TBCK: variants seen among roughly 807,000 people sequenced by gnomAD.
TBCK encodes TBC domain-containing protein kinase-like protein.
TBCK carries 99 observed loss-of-function variants against 113.4 expected under a neutral mutation model. The ratio of observed to expected loss-of-function variants is 0.87; its 90% CI spans 0.74 to 1.03. The LOEUF (loss-of-function observed/expected upper bound fraction) is 1.03, where lower values mean the gene tolerates loss of function less well. Ranked by LOEUF, TBCK falls within the 50% of genes least tolerant of loss-of-function variation. The pLI is 0.00. For synonymous variants in TBCK, 369 were observed against 370.8 expected (o/e 1.00, Z 0.05); for missense variants, 1,045 against 1,061.3 (o/e 0.98, Z 0.21).
chr4:106,212,930 T>A, intron 19 of TBCK, 95 bp from the exon 20 acceptor site: 1 of 788,696 alleles, frequency 1.3e-6, no homozygotes, highest in Non-Finnish European at 2.1e-6. Context: ...TGAATGAGAT[T>A]TAATTTCTCC....
chr4:106,047,370 C>T (rs758735488), intron 25 of TBCK, among the ~76,000 whole-genome samples: 2 of 152,198 alleles, frequency 1.3e-5, no homozygotes, highest in African/African-American at 4.8e-5. Context: ...CATCCCTCAA[C>T]TGCGTATCAA....
intron 3 of TBCK, among the ~76,000 whole-genome samples, chr4:106,273,873 C>T (rs902991382): frequency 6.6e-6 from 1 of 152,206 alleles, no homozygotes; most frequent in African/African-American, 2.4e-5. Context: ...TTTTAAGCTA[C>T]CTAATTTGTT....
intron 25 of TBCK, among the ~76,000 whole-genome samples, chr4:106,079,073 T>C (rs537571787): frequency 1.2e-4 from 19 of 152,102 alleles, no homozygotes; most frequent in African/African-American, 3.6e-4. Context: ...GTCTTTAATA[T>C]ATGTGAAAGT....
chr4:106,182,588 A>G (rs1214764194), intron 22 of TBCK: 1 of 152,070 alleles, frequency 6.6e-6, no homozygotes, highest in Non-Finnish European at 1.5e-5. Flanking sequence ...AAGGCTGTTG[A>G]ATTTTGTTGA....
intron 2 of TBCK, among the ~76,000 whole-genome samples, chr4:106,304,041 C>T (rs1179708497): frequency 6.6e-6 from 1 of 152,102 alleles, no homozygotes; most frequent in East Asian, 1.9e-4. Context: ...TTCATAACTC[C>T]TCCCACAGCT....
At chr4:106,147,909 CT>C (rs1190944760) in intron 23 of TBCK, among the ~76,000 whole-genome samples, 1 of 152,186 alleles carries the variant, frequency 6.6e-6, no homozygotes, top group Non-Finnish European at 1.5e-5. Flanking sequence ...TTGCTGAATT[CT>C]TTTTCTCAGC....
At chr4:106,092,841 A>G (rs991108005) in intron 25 of TBCK, among the ~76,000 whole-genome samples, 1 of 152,212 alleles carries the variant, frequency 6.6e-6, no homozygotes, top group Non-Finnish European at 1.5e-5. Flanking sequence ...GGGCTCCCAC[A>G]GTGCAGTGGC....
At chr4:106,310,193 A>C (rs1768041374) in intron 1 of TBCK, 1 of 152,200 alleles carries the variant, frequency 6.6e-6, no homozygotes, top group Non-Finnish European at 1.5e-5. Flanking sequence ...GAAATCATTA[A>C]AAATAAAATA....
chr4:106,297,168 C>A (rs950524564), intron 2 of TBCK, among the ~76,000 whole-genome samples: 2 of 152,062 alleles, frequency 1.3e-5, no homozygotes, highest in Non-Finnish European at 2.9e-5. Context: ...TCATCTATTC[C>A]CAAGGCTGAA....
chr4:106,264,581 A>G (rs1762811768), intron 3 of TBCK, among the ~76,000 whole-genome samples: 1 of 152,012 alleles, frequency 6.6e-6, no homozygotes, highest in Non-Finnish European at 1.5e-5. Flanking sequence ...GCACATTGCC[A>G]TATGATAATA....
Position 106,236,457 on chromosome 4 carries a change from A to G in TBCK, c.1283T>C (p.Leu428Ser). Residue 428 changes from leucine to serine, a missense_variant, in exon 14 of 26, where the codon TTA becomes TCA. By Grantham distance (145) the Leu-to-Ser change is moderately radical. Transcript: ENST00000394708. ...NELSAAATLP[L>S]IIREKDTEYQ... Reference sequence around the variant, plus strand: ...CTCTGTATCCTTCTCTCTGATGATTAAAGGGAGCGTGGCAGCTGCAGACAA... The same window carrying G: ...CTCTGTATCCTTCTCTCTGATGATTGAAGGGAGCGTGGCAGCTGCAGACAA... 6.3e-7 allele frequency: 1 copy of G among 1,581,984 alleles called. No homozygotes were observed. Among genetic ancestry groups the G allele is most frequent in the Non-Finnish European group, 8.6e-7 (1 of 1,162,742 alleles).
chr4:106,172,018 C>T (rs573020866), intron 22 of TBCK, among the ~76,000 whole-genome samples: 6 of 151,964 alleles, frequency 3.9e-5, no homozygotes, highest in Admixed American at 3.9e-4. Flanking sequence ...TTTTAGTAGA[C>T]ATGGGGTTTC....
chr4:106,124,752 CA>C (rs1429923314), intron 23 of TBCK, among the ~76,000 whole-genome samples: 1 of 150,474 alleles, frequency 6.6e-6, no homozygotes, highest in Non-Finnish European at 1.5e-5. Flanking sequence ...ATCGCAAGAA[CA>C]AAAAACCAAA....
chr4:106,184,966 T>C lies in TBCK; in HGVS notation c.2059+8643A>G, dbSNP rs188695234. On this transcript the variant is annotated intron_variant, in intron 22 of 25. Coordinates refer to ENST00000394708, the MANE Select transcript of TBCK (RefSeq NM_001163435.3). ...AAAGTATCTGTATCTACTCTACCTA[T>C]AGAGCAGGTATTTGCAGCAGCTTGG... is the stretch of plus-strand genomic sequence containing the variant. 5.0e-3 allele frequency among the ~76,000 whole-genome samples: 767 copies of C among 152,184 alleles called. 5 individuals are homozygous for C. The highest frequency in any genetic ancestry group is 0.018 in the African/African-American group (738 of 41,576).
At chr4:106,073,928 A>G (rs1737843947) in intron 25 of TBCK, among the ~76,000 whole-genome samples, 1 of 152,226 alleles carries the variant, frequency 6.6e-6, no homozygotes, top group Non-Finnish European at 1.5e-5. Context: ...AGCCAGGCAC[A>G]GGATATAATC....
intron 23 of TBCK, among the ~76,000 whole-genome samples, chr4:106,153,412 A>G (rs985259185): frequency 4.6e-5 from 7 of 152,096 alleles, no homozygotes; most frequent in Admixed American, 3.3e-4. Flanking sequence ...GTCAGAGAAC[A>G]TGCTTGATAT....
At chr4:106,177,601 T>C (rs1267850805) in intron 22 of TBCK, among the ~76,000 whole-genome samples, 2 of 151,980 alleles carry the variant, frequency 1.3e-5, no homozygotes, top group African/African-American at 2.4e-5. Flanking sequence ...TTTTCCCCAA[T>C]GTATATTGTT....
intron 24 of TBCK, among the ~76,000 whole-genome samples, chr4:106,099,975 AT>A (rs1741358573): frequency 6.6e-6 from 1 of 152,176 alleles, no homozygotes; most frequent in Non-Finnish European, 1.5e-5. Context: ...AACTACTTTA[AT>A]TCCAACCAAA....
intron 23 of TBCK, among the ~76,000 whole-genome samples, chr4:106,160,580 AAAG>A (rs1468957221): frequency 1.3e-5 from 2 of 151,508 alleles, no homozygotes; most frequent in African/African-American, 2.4e-5. Context: ...TATTCAAAAA[AAAG>A]AAGAAAAAAA....
Sources: allele counts gnomAD v4.1 joint callset (sites outside exome capture counted in the v4.1 genomes callset), GRCh38; gene constraint gnomAD v4.1.1; transcripts MANE v1.5; gene names NCBI Gene and HGNC (gene_info 2026-07-23, HGNC 2026-07-21).